ZNF385D: variants seen among roughly 807,000 people sequenced by gnomAD.
The protein encoded by ZNF385D is zinc finger protein 385D, also known as zinc finger protein 659.
Under a neutral mutation model 35.8 loss-of-function variants are expected in ZNF385D, and 15 were observed. The ratio of observed to expected loss-of-function variants is 0.42; its 90% CI spans 0.28 to 0.64. ZNF385D has a LOEUF of 0.64. Among genes scored for constraint, ZNF385D ranks in the 30% least tolerant of loss-of-function variants. The pLI, the probability that ZNF385D is intolerant of heterozygous loss-of-function variation, is 0.23. For missense variants in ZNF385D, 474 were observed against 494.6 expected (o/e 0.96, Z 0.39); for synonymous variants, 212 against 186.8 (o/e 1.13, Z -1.10).
intron 2 of ZNF385D, among the ~76,000 whole-genome samples, chr3:22,280,985 T>C (rs978894000): frequency 6.6e-6 from 1 of 152,078 alleles, no homozygotes; most frequent in African/African-American, 2.4e-5. Context: ...TGTTTTGTTT[T>C]GTTTTTCCAG....
At chr3:22,192,323 C>A (rs1312924947) in intron 2 of ZNF385D, among the ~76,000 whole-genome samples, 1 of 152,142 alleles carries the variant, frequency 6.6e-6, no homozygotes, top group African/African-American at 2.4e-5. Context: ...CATATTGTAG[C>A]CTGAGAAAAT....
intron 2 of ZNF385D, among the ~76,000 whole-genome samples, chr3:22,305,265 G>A (rs1354752559): frequency 6.6e-6 from 1 of 152,078 alleles, no homozygotes; most frequent in Non-Finnish European, 1.5e-5. Context: ...TGCTACTAGA[G>A]TAGTATGCTA....
At chr3:22,213,381 C>A (rs553825860) in intron 2 of ZNF385D, among the ~76,000 whole-genome samples, 2 of 152,106 alleles carry the variant, frequency 1.3e-5, no homozygotes, top group East Asian at 1.9e-4. Flanking sequence ...CAGATTTGAC[C>A]ATTGGGTTAT....
chr3:21,662,024 A>C (rs200534830), intron 2 of ZNF385D, among the ~76,000 whole-genome samples: 2 of 152,142 alleles, frequency 1.3e-5, no homozygotes, highest in Non-Finnish European at 2.9e-5. Context: ...CTGCATATTC[A>C]TATCCTCAGG....
chr3:21,496,467 T>A lies in ZNF385D; in HGVS notation c.439+14394A>T, dbSNP rs1575049856. ...ACACACATATTTGATATATATATCA[T>A]ATATATACATATATACACATATATT... On this transcript the variant is annotated intron_variant, in intron 4 of 7. Coordinates refer to ENST00000281523, the MANE Select transcript of ZNF385D (RefSeq NM_024697.3). Among the ~76,000 whole-genome samples, 4 of 77,018 alleles carry A rather than the reference T, an allele frequency of 5.2e-5. No individual in the cohort carries two copies. In the South Asian group the frequency reaches 9.8e-4, roughly 19 times the overall value. The allele number at this position is 77,018 out of a possible 152,430, so 50.5% of individuals were successfully genotyped here.
rs1221710571 is a variant in ZNF385D at position 22,211,549 on chromosome 3, A to C, written c.107-42514T>G. ...CGGATTTCATTTGGATAGGTGAACCAGGAGATGATACCAAGAAAGGGCAAC... is the reference window on the plus strand; with the variant it reads ...CGGATTTCATTTGGATAGGTGAACCCGGAGATGATACCAAGAAAGGGCAAC... On this transcript the variant is annotated intron_variant, in intron 2 of 5. Transcript: ENST00000494108. 5.9e-5 allele frequency among the ~76,000 whole-genome samples: 9 copies of C among 152,024 alleles called. No individual in the cohort carries two copies. The Admixed American group carries it at 5.9e-4, about 10-fold the overall frequency.
At chr3:22,188,680 G>A (rs1003702181) in intron 2 of ZNF385D, among the ~76,000 whole-genome samples, 1 of 152,044 alleles carries the variant, frequency 6.6e-6, no homozygotes, top group Non-Finnish European at 1.5e-5. Context: ...TCGATCTCCT[G>A]ACTTTGTGAT....
intron 4 of ZNF385D, among the ~76,000 whole-genome samples, chr3:21,492,420 C>CAA (rs754073394): frequency 3.8e-5 from 4 of 106,606 alleles, no homozygotes; most frequent in East Asian, 2.6e-4. Context: ...GAAACAAGAC[C>CAA]AAAAAAAAAA....
At chr3:22,350,016 G>C (rs940340876) in intron 2 of ZNF385D, among the ~76,000 whole-genome samples, 5 of 152,130 alleles carry the variant, frequency 3.3e-5, no homozygotes, top group African/African-American at 7.2e-5. Flanking sequence ...CATGAATATA[G>C]AGTTTGGTTT....
At chr3:22,076,203 T>G (rs1215496903) in intron 3 of ZNF385D, among the ~76,000 whole-genome samples, 1 of 151,872 alleles carries the variant, frequency 6.6e-6, no homozygotes, top group Non-Finnish European at 1.5e-5. Flanking sequence ...ACTCACCAAT[T>G]CAAAAGTCCT....
chr3:21,922,977 T>C (rs1700547032), intron 3 of ZNF385D, among the ~76,000 whole-genome samples: 1 of 152,092 alleles, frequency 6.6e-6, no homozygotes, highest in Admixed American at 6.5e-5. Flanking sequence ...GCAAAAGACA[T>C]GAACATACAC....
intron 2 of ZNF385D, among the ~76,000 whole-genome samples, chr3:22,360,221 C>T (rs1696351636): frequency 6.6e-6 from 1 of 151,916 alleles, no homozygotes. Context: ...TAATGAAAAG[C>T]ATTATTTCTT....
chr3:21,820,735 A>C (rs889723749), intron 3 of ZNF385D, among the ~76,000 whole-genome samples: 2 of 151,886 alleles, frequency 1.3e-5, no homozygotes, highest in Admixed American at 6.5e-5. Context: ...TGAATAAAAA[A>C]GGGATATAAT....
intron 3 of ZNF385D, among the ~76,000 whole-genome samples, chr3:21,928,257 AGAAG>A (rs139093887): frequency 0.22 from 31,091 of 140,240 alleles, 3,815 homozygotes; most frequent in East Asian, 0.4. Flanking sequence ...AAAGGAAGGA[AGAAG>A]GAAGGAAGGA....
At chr3:21,860,862 C>A (rs1013676893) in intron 3 of ZNF385D, among the ~76,000 whole-genome samples, 1 of 152,050 alleles carries the variant, frequency 6.6e-6, no homozygotes, top group African/African-American at 2.4e-5. Flanking sequence ...CCTGTCAAAC[C>A]AAATGAAAAG....
intron 3 of ZNF385D, among the ~76,000 whole-genome samples, chr3:21,828,986 A>C (rs1694827524): frequency 1.3e-5 from 2 of 152,102 alleles, no homozygotes; most frequent in Non-Finnish European, 2.9e-5. Flanking sequence ...CCCTTAAGGA[A>C]GGGCCCATCT....
chr3:21,819,812 T>G (rs1441979085), intron 3 of ZNF385D, among the ~76,000 whole-genome samples: 1 of 147,036 alleles, frequency 6.8e-6, no homozygotes, highest in Non-Finnish European at 1.5e-5. Flanking sequence ...ATAAATATAA[T>G]ATACATAAAT....
At chr3:21,943,048 A>T (rs1366268804) in intron 3 of ZNF385D, among the ~76,000 whole-genome samples, 1 of 152,158 alleles carries the variant, frequency 6.6e-6, no homozygotes, top group Admixed American at 6.5e-5. Flanking sequence ...ATACTTCTAA[A>T]AATAAAAACT....
intron 3 of ZNF385D, among the ~76,000 whole-genome samples, chr3:21,781,826 A>G (rs2336049): frequency 8.0e-6 from 1 of 125,142 alleles, no homozygotes; most frequent in African/African-American, 2.8e-5. Flanking sequence ...CCCATAGGTC[A>G]AGGTGAATCA....
Sources: allele counts gnomAD v4.1 joint callset (sites outside exome capture counted in the v4.1 genomes callset), GRCh38; gene constraint gnomAD v4.1.1; transcripts MANE v1.5; gene names NCBI Gene and HGNC (gene_info 2026-07-23, HGNC 2026-07-21).